Variants in NPC1 observed in about 807,000 individuals in gnomAD.
NPC1 encodes the protein NPC intracellular cholesterol transporter 1.
In NPC1, 85 loss-of-function variants were observed where a neutral mutation model predicts 140.4. The observed-to-expected ratio is 0.61, with a 90% CI of 0.51 to 0.72. NPC1 has a LOEUF of 0.72. Among genes scored for constraint, NPC1 ranks in the 30% least tolerant of loss-of-function variants. The pLI is 0.00. For synonymous variants in NPC1, 656 were observed against 624.8 expected, an observed-to-expected ratio of 1.05 and a Z score of -0.74; for missense variants, 1,504 against 1,623.8, an observed-to-expected ratio of 0.93 and a Z score of 1.27.
At chr18:23,523,775 C>T (rs141699375) in intron 1 of NPC1, among the ~76,000 whole-genome samples, 2 of 152,166 alleles carry the variant, frequency 1.3e-5, no homozygotes, top group Non-Finnish European at 2.9e-5. Context: ...AAACATTCTC[C>T]GTGGATGATC....
chr18:23,531,487 T>G lies in NPC1; in HGVS notation c.*715A>C. On this transcript the variant is annotated 3_prime_UTR_variant, in exon 25 of 25. Transcript: ENST00000269228. ...TATTTGTCTCTCAAAGCAGATAGGG[T>G]AACCCCAAAACTTAGGAAAACAATG... The G allele has an allele frequency of 6.9e-7, 1 of 1,451,558 alleles. No individual in the cohort carries two copies. The highest frequency in any genetic ancestry group is 9.0e-7 in the Non-Finnish European group (1 of 1,107,672). 89.9% of individuals were successfully genotyped at this position (1,451,558 alleles called of 1,614,324 possible). A position where few individuals can be genotyped will look rare whatever the true frequency, so the allele number is the denominator to read the frequency against.
At chr18:23,568,061 GAT>G (rs2059151447) in intron 4 of NPC1, among the ~76,000 whole-genome samples, 1 of 151,968 alleles carries the variant, frequency 6.6e-6, no homozygotes, top group African/African-American at 2.4e-5. Context: ...CTACACAATT[GAT>G]TTTTTTATTT....
chr18:23,524,843 A>G (rs1398304508), downstream of NPC1, among the ~76,000 whole-genome samples: 1 of 150,692 alleles, frequency 6.6e-6, no homozygotes, highest in Non-Finnish European at 1.5e-5. Flanking sequence ...TCTGTTCTGC[A>G]TGAGCCCGGG....
At chr18:23,568,706 TG>T in intron 4 of NPC1, 116 bp downstream of exon 4, 1 of 810,992 alleles carries the variant, frequency 1.2e-6, no homozygotes, top group Non-Finnish European at 2.1e-6. Flanking sequence ...TCTTATTTCC[TG>T]GCCAATGGAA....
intron 19 of NPC1, chr18:23,539,027 T>TA (rs2058673783): frequency 2.2e-6 from 1 of 447,868 alleles, no homozygotes; most frequent in Admixed American, 3.6e-5. Context: ...GGTAAAGTGA[T>TA]AAAGAAAAGC....
intron 3 of NPC1, chr18:23,515,891 G>A (rs759956191): frequency 2.5e-6 from 4 of 1,614,036 alleles, no homozygotes; most frequent in Non-Finnish European, 3.4e-6. Flanking sequence ...AACTCTTGAA[G>A]AGCCACAATC....
intron 20 of NPC1, 135 bp downstream of exon 20, chr18:23,538,407 C>T (rs2145365612): frequency 9.0e-7 from 1 of 1,109,328 alleles, no homozygotes; most frequent in Non-Finnish European, 1.4e-6. Context: ...TTTCCTGCTT[C>T]CACCAAAGGA....
chr18:23,527,916 G>A (rs748761712), downstream of NPC1: 44 of 1,592,220 alleles, frequency 2.8e-5, no homozygotes, highest in Admixed American at 5.1e-5. Flanking sequence ...GTTACATGGA[G>A]TATGACAAAG....
intron 2 of NPC1, 75 bp from the exon 3 acceptor site, chr18:23,572,255 A>T: frequency 1.1e-6 from 1 of 942,716 alleles, no homozygotes; most frequent in Non-Finnish European, 1.7e-6. Context: ...GTGAACTAAG[A>T]CACATTCATT....
At chr18:23,580,272 C>T (rs1213751501) in intron 1 of NPC1, among the ~76,000 whole-genome samples, 2 of 152,116 alleles carry the variant, frequency 1.3e-5, no homozygotes, top group East Asian at 1.9e-4. Context: ...GCATTCTCCA[C>T]CCATCCCCCT....
chr18:23,528,020 C>A, downstream of NPC1: 1 of 836,618 alleles, frequency 1.2e-6, no homozygotes, highest in Non-Finnish European at 1.8e-6. Context: ...TGAGATTTGC[C>A]GCCTGCCATA....
chr18:23,531,885 G>A lies in NPC1; in HGVS notation c.*317C>T, dbSNP rs561799398. The A allele has an allele frequency of 8.3e-6, 12 of 1,443,652 alleles. No homozygotes were observed. In the African/African-American group the frequency reaches 1.3e-4, roughly 16 times the overall value. The allele number at this position is 1,443,652 out of a possible 1,614,324, so 89.4% of individuals were successfully genotyped here. ...GGAGAGACAGACAGTGCATTGATTGGCCTTTACAGAGTGTCAGTGAGCGGA... is the reference window on the plus strand; with the variant it reads ...GGAGAGACAGACAGTGCATTGATTGACCTTTACAGAGTGTCAGTGAGCGGA... On this transcript the variant is annotated 3_prime_UTR_variant, in exon 25 of 25. Transcript: ENST00000269228.
In NPC1 at chr18:23,574,656, C is replaced by CA. The variant is rs764271932; in HGVS notation, c.58-1083dup. ...GTATGTGTGGGGAAATCCAAGGCAT[C>CA]AATATCACTTTTCTCTGAATTCATT... is the stretch of plus-strand genomic sequence containing the variant. On this transcript the variant is annotated intron_variant, in intron 1 of 24. Coordinates refer to ENST00000269228, the MANE Select transcript of NPC1 (RefSeq NM_000271.5). 1.6e-4 allele frequency among the ~76,000 whole-genome samples: 25 copies of CA among 152,262 alleles called. No homozygotes were observed. In the East Asian group the frequency reaches 4.8e-3, roughly 29 times the overall value.
chr18:23,539,297 AATG>A (rs2058677494), intron 19 of NPC1, 55 bp downstream of exon 19: 2 of 1,224,306 alleles, frequency 1.6e-6, no homozygotes, highest in Middle Eastern at 1.9e-4. Context: ...ATGATTTTTA[AATG>A]ATAATTTGAA....
In NPC1 at chr18:23,541,102, G is replaced by A. The variant is rs769465374; in HGVS notation, c.2480C>T (p.Pro827Leu). 6.2e-7 allele frequency: 1 copy of A among 1,614,196 alleles called. No homozygotes were observed. Among genetic ancestry groups the A allele is most frequent in the Non-Finnish European group, 8.5e-7 (1 of 1,180,028 alleles). The change falls in exon 16 of 25, where the codon CCA (proline) becomes CTA (leucine). Residue 827 changes from proline to leucine, a missense_variant. Transcript: ENST00000269228. ...LFRFFKNSYS[P>L]LLLKDWMRPI... ...TCTCATCCAGTCCTTTAGCAGAAGTGGAGAATAGGAGTTTTTGAAGAAGCG... is the reference window on the plus strand; with the variant it reads ...TCTCATCCAGTCCTTTAGCAGAAGTAGAGAATAGGAGTTTTTGAAGAAGCG...
chr18:23,579,263 A>G (rs1183003325), intron 1 of NPC1, among the ~76,000 whole-genome samples: 2 of 152,202 alleles, frequency 1.3e-5, no homozygotes, highest in East Asian at 3.9e-4. Flanking sequence ...CTCCCTTGTA[A>G]GACGGTAAAA....
At chr18:23,539,084 G>A (rs774275506) in intron 19 of NPC1, among the ~76,000 whole-genome samples, 8 of 152,146 alleles carry the variant, frequency 5.3e-5, no homozygotes, top group East Asian at 1.9e-4. Flanking sequence ...AGAGGCAATC[G>A]CTGGAGTTAG....
rs542653414 is a variant in NPC1 at position 23,586,463 on chromosome 18, C to T, written c.-120G>A. On this transcript the variant is annotated 5_prime_UTR_variant, in exon 1 of 25. Coordinates refer to ENST00000269228, the MANE Select transcript of NPC1 (RefSeq NM_000271.5). ...CGCAGGAGGAGCGGAGGAGCAGGAG[C>T]AGGCGCTGACCGCGGCAGCAGGCTG... The T allele has an allele frequency of 3.4e-6, 5 of 1,466,196 alleles. No individual in the cohort carries two copies. Among genetic ancestry groups the T allele is most frequent in the African/African-American group, 1.5e-5 (1 of 68,210 alleles). 90.8% of individuals were successfully genotyped at this position (1,466,196 alleles called of 1,614,324 possible). A position where few individuals can be genotyped will look rare whatever the true frequency, so the allele number is the denominator to read the frequency against.
In NPC1 at chr18:23,572,311, T is replaced by G; in HGVS notation, c.181-131A>C. 4.4e-6 allele frequency: 3 copies of G among 680,300 alleles called. No individual in the cohort carries two copies. In the South Asian group the frequency reaches 4.6e-5, roughly 10 times the overall value. 42.1% of individuals were successfully genotyped at this position (680,300 alleles called of 1,614,324 possible). On this transcript the variant is annotated intron_variant, in intron 2 of 24. Coordinates refer to ENST00000269228, the MANE Select transcript of NPC1 (RefSeq NM_000271.5). The stretch of plus-strand genomic sequence containing the variant: ...CAAAAGGGTAAGACACATCCTGTAT[T>G]TGCAAAGTTATTATAGAATTATTTT...
Sources: gnomAD v4.1 joint callset for allele counts (sites outside exome capture counted in the v4.1 genomes callset) on GRCh38, gnomAD v4.1.1 for gene constraint, MANE v1.5 for transcripts, NCBI Gene and HGNC (gene_info 2026-07-23, HGNC 2026-07-21) for gene names.